The following NF2 variants were observed in gnomAD, a reference collection of about 807,000 sequenced individuals.
NF2 encodes the protein merlin.
Under a neutral mutation model 83.7 loss-of-function variants are expected in NF2, and 8 were observed. The observed-to-expected ratio is 0.10, with a 90% CI of 0.06 to 0.17. The LOEUF (loss-of-function observed/expected upper bound fraction) is 0.17, where lower values mean the gene tolerates loss of function less well. Among genes scored for constraint, NF2 ranks in the 10% least tolerant of loss-of-function variants. The pLI is 1.00. For missense variants in NF2, 533 were observed against 744.4 expected, an observed-to-expected ratio of 0.72 and a Z score of 3.31; for synonymous variants, 266 against 269.6, an observed-to-expected ratio of 0.99 and a Z score of 0.13.
intron 15 of NF2, chr22:29,683,133 G>T: frequency 6.2e-7 from 1 of 1,614,112 alleles, no homozygotes; most frequent in Non-Finnish European, 8.5e-7. Context: ...CCGTGCATGA[G>T]CTTGCCTGTC....
At chr22:29,605,990 T>G (rs1000839430) in intron 1 of NF2, among the ~76,000 whole-genome samples, 1 of 152,328 alleles carries the variant, frequency 6.6e-6, no homozygotes, top group Non-Finnish European at 1.5e-5. Flanking sequence ...GTTTTGCTCT[T>G]GTTGCTCAAA....
intron 1 of NF2, among the ~76,000 whole-genome samples, chr22:29,622,127 G>A (rs564290959): frequency 1.3e-5 from 2 of 152,364 alleles, no homozygotes; most frequent in East Asian, 3.9e-4. Context: ...GTGGAAAGAA[G>A]AGATCATTTG....
chr22:29,678,230 A>G lies in NF2; in HGVS notation c.1481A>G (p.Asp494Gly), dbSNP rs2067024492. ...MNPIPAPLPPDIPSFNLIGDS... is the reference protein window; with the variant it reads ...MNPIPAPLPPGIPSFNLIGDS... ...CCAATTCCAGCACCGTTGCCTCCTG[A>G]CATACCAAGCTTCAACCTCATTGGT... The change falls in exon 14 of 16, where the codon GAC (aspartate) becomes GGC (glycine). Residue 494 changes from aspartate (D) to glycine (G), a missense_variant. Asp to Gly is a moderately conservative substitution (Grantham distance 94, BLOSUM62 -1). Around this residue, in one of 3 missense-constraint regions of NF2, gnomAD observed 199 missense variants for 240.7 expected, o/e 0.83. Coordinates refer to ENST00000338641, the MANE Select transcript of NF2 (RefSeq NM_000268.4). 6.2e-7 allele frequency: 1 copy of G among 1,614,028 alleles called. No homozygotes were observed. Among genetic ancestry groups the G allele is most frequent in the African/African-American group, 1.3e-5 (1 of 74,914 alleles).
intron 3 of NF2, 48 bp from the exon 4 acceptor site, chr22:29,642,154 C>T (rs776570104): frequency 4.1e-6 from 6 of 1,467,072 alleles, no homozygotes; most frequent in Admixed American, 3.3e-5. Flanking sequence ...GCCTACACAC[C>T]TCACTTCCAC....
At chr22:29,677,868 CTGCATCTCCAGCCCCT>C (rs1247268824) in intron 13 of NF2, among the ~76,000 whole-genome samples, 1 of 152,230 alleles carries the variant, frequency 6.6e-6, no homozygotes, top group African/African-American at 2.4e-5. Context: ...GTCTTGTTTT[CTGCATCTCCAGCCCCT>C]TGCACAGGGC....
At chr22:29,644,763 A>G (rs1277130876) in intron 4 of NF2, among the ~76,000 whole-genome samples, 1 of 152,266 alleles carries the variant, frequency 6.6e-6, no homozygotes, top group Non-Finnish European at 1.5e-5. Context: ...CACCAAAAAA[A>G]TACGAAAACC....
intron 15 of NF2, among the ~76,000 whole-genome samples, chr22:29,686,765 T>C (rs1008074749): frequency 2.0e-5 from 3 of 152,258 alleles, no homozygotes; most frequent in Admixed American, 6.5e-5. Flanking sequence ...TTTTTCCCAA[T>C]TGATGATCAG....
Position 29,661,256 on chromosome 22 carries a change from A to G in NF2, c.727A>G (p.Ile243Val), listed in dbSNP as rs774996651. Residue 243 changes from isoleucine to valine, a missense_variant, in exon 8 of 16, where the codon ATT (isoleucine) becomes GTT (valine). By Grantham distance (29) the Ile-to-Val change is conservative. Transcript: ENST00000338641. ...TGGAGTGGATGCCCTGGGGCTTCACATTTATGACCCTGAGAACAGACTGAC... is the reference window on the plus strand; with the variant it reads ...TGGAGTGGATGCCCTGGGGCTTCACGTTTATGACCCTGAGAACAGACTGAC... Reference protein sequence around the residue: ...LLGVDALGLHIYDPENRLTPK... With the variant: ...LLGVDALGLHVYDPENRLTPK... 2 of 1,614,252 alleles carry G rather than the reference A, an allele frequency of 1.2e-6. No homozygotes were observed. The highest frequency in any genetic ancestry group is 1.1e-5 in the South Asian group (1 of 91,084).
At chr22:29,662,444 A>G (rs2066506283) in intron 8 of NF2, among the ~76,000 whole-genome samples, 2 of 152,218 alleles carry the variant, frequency 1.3e-5, no homozygotes, top group Admixed American at 1.3e-4. Flanking sequence ...CATTAATTTT[A>G]AAGGAATTAT....
At chr22:29,660,581 T>G (rs1452829595) in intron 7 of NF2, among the ~76,000 whole-genome samples, 1 of 152,234 alleles carries the variant, frequency 6.6e-6, no homozygotes, top group Non-Finnish European at 1.5e-5. Flanking sequence ...TTTTTTTGTT[T>G]TGTTTTTTAA....
intron 10 of NF2, among the ~76,000 whole-genome samples, chr22:29,670,025 G>C (rs147881823): frequency 1.3e-5 from 2 of 152,134 alleles, no homozygotes; most frequent in Non-Finnish European, 2.9e-5. Flanking sequence ...TAATAAAAGG[G>C]TCTTGTTCTG....
intron 1 of NF2, among the ~76,000 whole-genome samples, chr22:29,624,200 T>G (rs900555746): frequency 6.6e-6 from 1 of 151,770 alleles, no homozygotes; most frequent in Non-Finnish European, 1.5e-5. Flanking sequence ...TTTTATAGGG[T>G]TTTTTTTGTT....
chr22:29,644,643 G>A (rs1255489952), intron 4 of NF2, among the ~76,000 whole-genome samples: 1 of 152,202 alleles, frequency 6.6e-6, no homozygotes, highest in African/African-American at 2.4e-5. Flanking sequence ...TGAGCACTGA[G>A]TGAACGAGAC....
chr22:29,604,643 C>T (rs1163102703), intron 1 of NF2, among the ~76,000 whole-genome samples: 2 of 152,086 alleles, frequency 1.3e-5, no homozygotes, highest in Non-Finnish European at 2.9e-5. Flanking sequence ...ACATTTAATC[C>T]TCAGAACAAA....
chr22:29,662,797 G>C (rs1361296644), intron 8 of NF2, among the ~76,000 whole-genome samples: 1 of 152,208 alleles, frequency 6.6e-6, no homozygotes, highest in African/African-American at 2.4e-5. Context: ...CCGCCTTTCA[G>C]GGAGGCCCAG....
rs543867085 is a variant in NF2 at position 29,674,297 on chromosome 22, C to T, written c.1341-539C>T. Among the ~76,000 whole-genome samples, 118 of 152,184 alleles carry T rather than the reference C, an allele frequency of 7.8e-4. 1 individual carries two copies. The highest frequency in any genetic ancestry group is 1.3e-3 in the Admixed American group (20 of 15,278). ...GGTCCCTGCACCAGGCCTCACATGC[C>T]GTGACCACCTGAGCCCCATAGGATG... On this transcript the variant is annotated intron_variant, in intron 12 of 15. Transcript: ENST00000338641.
chr22:29,642,636 C>CTT lies in NF2; in HGVS notation c.447+362_447+363dup, dbSNP rs547937800. Among the ~76,000 whole-genome samples the CTT allele has an allele frequency of 4.4e-3, 638 of 144,786 alleles. 9 individuals carry two copies. In the Middle Eastern group the frequency reaches 0.047, roughly 11 times the overall value. 95.0% of individuals were successfully genotyped at this position (144,786 alleles called of 152,430 possible). ...GACATTTACTGGAAAAACCTTTTTT[C>CTT]TTTTTTTTTTTTAAACCATAAACTC... is the stretch of plus-strand genomic sequence containing the variant. On this transcript the variant is annotated intron_variant, in intron 4 of 15. Transcript: ENST00000338641.
In NF2 at chr22:29,603,853, TG is replaced by T. The variant is rs1569259403; in HGVS notation, c.-142del. ...GGTCCTCGCGGCCCATGCTGGCCGC[TG>T]GGGACCCGCGCAGCCCAGACCGTTC... is the stretch of plus-strand genomic sequence containing the variant. On this transcript the variant is annotated 5_prime_UTR_variant, in exon 1 of 16. An upstream open reading frame in the 5' UTR gains an earlier in-frame stop. Coordinates refer to ENST00000338641, the MANE Select transcript of NF2 (RefSeq NM_000268.4). 1.6e-6 allele frequency: 1 copy of T among 620,246 alleles called. No homozygotes were observed. Among genetic ancestry groups the T allele is most frequent in the East Asian group, 2.8e-5 (1 of 35,266 alleles). 38.4% of individuals were successfully genotyped at this position (620,246 alleles called of 1,614,324 possible). A position where few individuals can be genotyped will look rare whatever the true frequency, so the allele number is the denominator to read the frequency against.
chr22:29,624,589 T>C (rs975342743), intron 1 of NF2, among the ~76,000 whole-genome samples: 10 of 152,168 alleles, frequency 6.6e-5, no homozygotes, highest in African/African-American at 2.4e-4. Context: ...ATTTGATAAA[T>C]GTTACCTATC....
Sources: allele counts gnomAD v4.1 joint callset (sites outside exome capture counted in the v4.1 genomes callset), GRCh38; gene constraint gnomAD v4.1.1; regional missense constraint gnomAD v4.1.1; transcripts MANE v1.5; gene names NCBI Gene and HGNC (gene_info 2026-07-23, HGNC 2026-07-21).